The following TRERF1 variants were observed in gnomAD, a reference collection of about 807,000 sequenced individuals.
TRERF1 encodes transcriptional-regulating factor 1.
A neutral mutation model predicts 122.9 loss-of-function variants in TRERF1; 27 were observed. The observed-to-expected ratio is 0.22, with a 90% confidence interval of 0.16 to 0.30. The LOEUF (loss-of-function observed/expected upper bound fraction) is 0.30, where lower values mean the gene tolerates loss of function less well. TRERF1 is among the 10% of genes least tolerant of loss of function. The probability of loss-of-function intolerance (pLI) is 1.00; values close to 1 mark genes in which losing one functional copy is unlikely to be tolerated. For synonymous variants in TRERF1, 636 were observed against 641.7 expected (o/e 0.99, Z 0.13); for missense variants, 1,248 against 1,560.3 (o/e 0.80, Z 3.37).
intron 2 of TRERF1, among the ~76,000 whole-genome samples, chr6:42,439,396 C>T (rs563165822): frequency 1.3e-5 from 2 of 152,222 alleles, no homozygotes; most frequent in African/African-American, 4.8e-5. Flanking sequence ...GCTGGGGACA[C>T]AATAAATAAG....
chr6:42,351,995 G>A (rs1340745809), intron 3 of TRERF1, among the ~76,000 whole-genome samples: 1 of 152,088 alleles, frequency 6.6e-6, no homozygotes. Context: ...ATAATTTGGT[G>A]CGGGTGTTGT....
intron 16 of TRERF1, among the ~76,000 whole-genome samples, chr6:42,234,823 GC>G (rs1194325130): frequency 7.9e-5 from 12 of 152,080 alleles, no homozygotes; most frequent in African/African-American, 2.9e-4. Context: ...TATCTAACTT[GC>G]TGAGCATTTG....
intron 2 of TRERF1, among the ~76,000 whole-genome samples, chr6:42,411,528 G>T (rs1781092386): frequency 6.6e-6 from 1 of 152,218 alleles, no homozygotes; most frequent in African/African-American, 2.4e-5. Flanking sequence ...ACGGGACACA[G>T]GAACGAGGCA....
At chr6:42,293,520 T>C (rs1365177551) in intron 4 of TRERF1, among the ~76,000 whole-genome samples, 2 of 152,122 alleles carry the variant, frequency 1.3e-5, no homozygotes, top group African/African-American at 4.8e-5. Flanking sequence ...AAACTCCTAT[T>C]TGTTTCTATT....
chr6:42,332,233 G>A (rs1007758686), intron 3 of TRERF1, among the ~76,000 whole-genome samples: 1 of 152,236 alleles, frequency 6.6e-6, no homozygotes, highest in Non-Finnish European at 1.5e-5. Flanking sequence ...GTGTGCCACC[G>A]CGCCCAGCGG....
At chr6:42,429,830 T>C (rs1287589303) in intron 2 of TRERF1, among the ~76,000 whole-genome samples, 1 of 152,068 alleles carries the variant, frequency 6.6e-6, no homozygotes, top group Non-Finnish European at 1.5e-5. Flanking sequence ...TGAAGTGTTT[T>C]GGAAGAAAAG....
At chr6:42,427,653 A>G (rs775503177) in intron 2 of TRERF1, among the ~76,000 whole-genome samples, 33 of 151,220 alleles carry the variant, frequency 2.2e-4, no homozygotes, top group Non-Finnish European at 4.4e-4. Flanking sequence ...AGGCTCAAGC[A>G]ATCCTCCCAC....
intron 2 of TRERF1, among the ~76,000 whole-genome samples, chr6:42,383,221 A>T (rs749684101): frequency 6.6e-6 from 1 of 152,106 alleles, no homozygotes; most frequent in Admixed American, 6.5e-5. Flanking sequence ...ACCGAGTGAG[A>T]CCTTGTCTTG....
intron 6 of TRERF1, 145 bp downstream of exon 6, chr6:42,265,606 G>T: frequency 1.2e-6 from 1 of 869,498 alleles, no homozygotes; most frequent in Non-Finnish European, 1.8e-6. Flanking sequence ...TTAGCCCATA[G>T]TATGCACTCA....
chr6:42,325,163 A>G (rs1355466710), intron 3 of TRERF1, among the ~76,000 whole-genome samples: 1 of 152,270 alleles, frequency 6.6e-6, no homozygotes, highest in Non-Finnish European at 1.5e-5. Context: ...AATGCTCAAC[A>G]TCGCTAATCA....
chr6:42,342,247 T>C (rs1380267588), intron 3 of TRERF1, among the ~76,000 whole-genome samples: 1 of 152,122 alleles, frequency 6.6e-6, no homozygotes, highest in Non-Finnish European at 1.5e-5. Context: ...TTTCCTGGGA[T>C]TGTCTTGGTT....
At chr6:42,387,774 A>C (rs2151209430) in intron 2 of TRERF1, among the ~76,000 whole-genome samples, 1 of 147,554 alleles carries the variant, frequency 6.8e-6, no homozygotes, top group African/African-American at 2.5e-5. Flanking sequence ...TTTTTACATC[A>C]GTAAACCAAG....
rs73733195 is a variant in TRERF1, at chr6:42,421,345, T to C, written c.-454+29832A>G. 6.1e-3 allele frequency among the ~76,000 whole-genome samples: 922 copies of C among 152,342 alleles called. 8 individuals are homozygous for C. Among genetic ancestry groups the C allele is most frequent in the African/African-American group, 0.021 (893 of 41,568 alleles). On this transcript the variant is annotated intron_variant, in intron 2 of 17. Coordinates refer to ENST00000372922, the Ensembl canonical transcript of TRERF1. ...ATATCATGACCCAGCACATAAAATA[T>C]CTCTATATACACATAAATATATAAA...
At position 42,228,458 on chromosome 6, in the gene TRERF1, C is replaced by T. The variant is rs762778385; in HGVS notation, c.3490G>A (p.Asp1164Asn). The T allele has an allele frequency of 9.9e-6, 16 of 1,614,066 alleles. No homozygotes were observed. The highest frequency in any genetic ancestry group is 6.6e-5 in the South Asian group (6 of 91,084). Residue 1164 changes from aspartate to asparagine, a missense_variant, in exon 18 of 18, where the codon GAC (aspartate) becomes AAC (asparagine). Physicochemically the swap from Asp to Asn is conservative, Grantham distance 23. Around this residue, in one of 5 missense-constraint regions of TRERF1, gnomAD observed 84 missense variants for 116.0 expected, o/e 0.72. Coordinates refer to ENST00000372922, the Ensembl canonical transcript of TRERF1. This position sits in a 1 kb window ranked among gnomAD's most constrained non-coding sequence, Gnocchi z 4.2. The stretch of plus-strand genomic sequence containing the variant: ...CCTCCCAACTGCTGGACGACGTCGT[C>T]GTCGAGGATGTCCACATCCTTGATG...
At chr6:42,390,616 G>A (rs1777570318) in intron 2 of TRERF1, among the ~76,000 whole-genome samples, 1 of 152,230 alleles carries the variant, frequency 6.6e-6, no homozygotes, top group Non-Finnish European at 1.5e-5. Flanking sequence ...AGACCAGGAT[G>A]AGGAGGCTCT....
In TRERF1 at chr6:42,269,820, G is replaced by T; in HGVS notation, c.-230C>A. 8.1e-7 allele frequency: 1 copy of T among 1,232,790 alleles called. No homozygotes were observed. The highest frequency in any genetic ancestry group is 2.7e-5 in the East Asian group (1 of 37,406). The allele number at this position is 1,232,790 out of a possible 1,614,324, so 76.4% of individuals were successfully genotyped here. A position where few individuals can be genotyped will look rare whatever the true frequency, so the allele number is the denominator to read the frequency against. ...CCCTGGCTGAGGTATAGACCACACA[G>T]CACTGTGGTGAGGAGACGTCGCTCA... On this transcript the variant is annotated 5_prime_UTR_variant, in exon 5 of 18. It adds an upstream start codon to the 5' untranslated region. Transcript: ENST00000372922. The surrounding 1 kb of genome is among the most constrained non-coding windows in gnomAD (Gnocchi z 4.9).
At chr6:42,433,070 G>C (rs1214627307) in intron 2 of TRERF1, among the ~76,000 whole-genome samples, 1 of 152,126 alleles carries the variant, frequency 6.6e-6, no homozygotes, top group African/African-American at 2.4e-5. Context: ...CAACAAGGCA[G>C]TTGGGACTTG....
intron 2 of TRERF1, among the ~76,000 whole-genome samples, chr6:42,404,762 G>A (rs548231302): frequency 3.3e-5 from 5 of 152,234 alleles, no homozygotes; most frequent in African/African-American, 1.2e-4. Flanking sequence ...AGAATCCAAG[G>A]CCCTAAGGAG....
chr6:42,348,546 C>T (rs1768787413), intron 3 of TRERF1, among the ~76,000 whole-genome samples: 1 of 152,204 alleles, frequency 6.6e-6, no homozygotes, highest in African/African-American at 2.4e-5. Context: ...AGCCATCGTG[C>T]CTGGCCTCCC....
Sources: allele counts gnomAD v4.1 joint callset (sites outside exome capture counted in the v4.1 genomes callset), GRCh38; gene constraint gnomAD v4.1.1; regional missense constraint gnomAD v4.1.1; non-coding constraint Gnocchi (gnomAD v3.1); transcripts MANE v1.5; gene names NCBI Gene and HGNC (gene_info 2026-07-23, HGNC 2026-07-21).